TKFC: variants seen among roughly 807,000 people sequenced by gnomAD.
The protein encoded by TKFC is triokinase/FMN cyclase.
In TKFC, 46 loss-of-function variants were observed where a neutral mutation model predicts 61.0. The observed-to-expected ratio is 0.75, with a 90% confidence interval of 0.60 to 0.96. TKFC has a LOEUF of 0.96. Ranked by LOEUF, TKFC falls within the 50% of genes least tolerant of loss-of-function variation. The probability of loss-of-function intolerance (pLI) is 0.00; values close to 1 mark genes in which losing one functional copy is unlikely to be tolerated. For missense variants in TKFC, 715 were observed against 777.5 expected (o/e 0.92, Z 0.96); for synonymous variants, 314 against 330.1 (o/e 0.95, Z 0.53).
Position 61,345,503 on chromosome 11 carries a change from G to A in TKFC, c.1389G>A (p.Lys463=). ...LFLTAAAQPL[K]AKTSLPAWSA... ...TGACTGCGGCTGCACAGCCCCTGAA[G>A]GCCAAGACCAGCCTCCCAGCCTGGT... The change falls in exon 15 of 18, where the codon AAG becomes AAA. Residue 463 remains lysine (K), a synonymous_variant. Coordinates refer to ENST00000394900, the MANE Select transcript of TKFC (RefSeq NM_015533.4). 1 of 1,613,396 alleles carries A rather than the reference G, an allele frequency of 6.2e-7. No individual in the cohort carries two copies. Among genetic ancestry groups the A allele is most frequent in the Non-Finnish European group, 8.5e-7 (1 of 1,180,028 alleles).
Position 61,347,331 on chromosome 11 carries a change from C to T in TKFC, c.*828C>T. On this transcript the variant is annotated 3_prime_UTR_variant, in exon 18 of 18. Coordinates refer to ENST00000394900, the MANE Select transcript of TKFC (RefSeq NM_015533.4). ...CCAAGGCAGGCGGATCCCTTACACT[C>T]AGGAGTTCAAGACCAGTCTGGGCAA... 1 of 949,972 alleles carries T rather than the reference C, an allele frequency of 1.1e-6. No homozygotes were observed. Among genetic ancestry groups the T allele is most frequent in the Non-Finnish European group, 1.3e-6 (1 of 797,744 alleles). The allele number at this position is 949,972 out of a possible 1,614,324, so 58.8% of individuals were successfully genotyped here.
In TKFC at chr11:61,334,637, A is replaced by G; in HGVS notation, c.-92A>G. The G allele has an allele frequency of 4.5e-6, 7 of 1,570,964 alleles. No individual in the cohort carries two copies. The East Asian group carries it at 9.0e-5, about 20-fold the overall frequency. Reference sequence around the variant, plus strand: ...TCCTGCAGGTGCTGCTGCTGCCTCCACTGTACTCAGACCCAGGTAGCACAG... The same window carrying G: ...TCCTGCAGGTGCTGCTGCTGCCTCCGCTGTACTCAGACCCAGGTAGCACAG... On this transcript the variant is annotated 5_prime_UTR_variant, in exon 2 of 18. Coordinates refer to ENST00000394900, the MANE Select transcript of TKFC (RefSeq NM_015533.4).
In TKFC at chr11:61,346,034, C is replaced by A. The variant is rs1293802068; in HGVS notation, c.1575+88C>A. Reference sequence around the variant, plus strand: ...CATGTGACCCTGAGCAAGTTAATAACCTTCCTGGACCGCAGTTTCCTTCTC... The same window carrying A: ...CATGTGACCCTGAGCAAGTTAATAAACTTCCTGGACCGCAGTTTCCTTCTC... On this transcript the variant is annotated intron_variant, in intron 17 of 17. Transcript: ENST00000394900. The surrounding 1 kb of genome is among the most constrained non-coding windows in gnomAD (Gnocchi z 4.1). 1.4e-5 allele frequency: 19 copies of A among 1,368,920 alleles called. No homozygotes were observed. The highest frequency in any genetic ancestry group is 1.9e-5 in the Non-Finnish European group (19 of 990,582). The allele number at this position is 1,368,920 out of a possible 1,614,324, so 84.8% of individuals were successfully genotyped here.
At position 61,347,061 on chromosome 11, in the gene TKFC, G is replaced by T. The variant is rs926074762; in HGVS notation, c.*558G>T. The T allele has an allele frequency of 4.1e-6, 4 of 985,536 alleles. No individual in the cohort carries two copies. Among genetic ancestry groups the T allele is most frequent in the Admixed American group, 1.2e-4 (2 of 16,262 alleles). 61.0% of individuals were successfully genotyped at this position (985,536 alleles called of 1,614,324 possible). A position where few individuals can be genotyped will look rare whatever the true frequency, so the allele number is the denominator to read the frequency against. On this transcript the variant is annotated 3_prime_UTR_variant, in exon 18 of 18. Coordinates refer to ENST00000394900, the MANE Select transcript of TKFC (RefSeq NM_015533.4). Reference sequence around the variant, plus strand: ...CCCTAAGGCAGTGTCTCCTCAGCTGGGCTGCTTCCACTGAGACCCCCGACC... The same window carrying T: ...CCCTAAGGCAGTGTCTCCTCAGCTGTGCTGCTTCCACTGAGACCCCCGACC...
rs1404719460 is a variant in TKFC at position 61,342,576 on chromosome 11, G to C, written c.693G>C (p.Met231Ile). ...HGEAGVRRIKMATADEIVKLM... is the reference protein window; with the variant it reads ...HGEAGVRRIKIATADEIVKLM... ...TCATTCCTGGCTCCCTCTGACAGAT[G>C]GCAACCGCCGATGAGATTGTGAAAC... Residue 231 changes from methionine to isoleucine, a missense_variant and splice_region_variant, in exon 9 of 18, where the codon ATG (methionine) becomes ATC (isoleucine). Physicochemically the swap from Met to Ile is conservative, Grantham distance 10. Coordinates refer to ENST00000394900, the MANE Select transcript of TKFC (RefSeq NM_015533.4). 1 of 1,613,930 alleles carries C rather than the reference G, an allele frequency of 6.2e-7. No individual in the cohort carries two copies. Among genetic ancestry groups the C allele is most frequent in the Non-Finnish European group, 8.5e-7 (1 of 1,180,034 alleles).
intron 2 of TKFC, 94 bp from the exon 3 acceptor site, chr11:61,337,847 G>C: frequency 8.1e-7 from 1 of 1,237,300 alleles, no homozygotes; most frequent in South Asian, 1.7e-5. Context: ...AGGTGGATGC[G>C]GGAGAGGGGT....
At chr11:61,352,712 A>G, downstream of TKFC, 3 of 944,684 alleles carry the variant, frequency 3.2e-6, no homozygotes, top group South Asian at 2.0e-5. Context: ...ATCAATACCA[A>G]TGATGTAGGG....
chr11:61,347,632 C>G lies in TKFC; in HGVS notation c.*1129C>G, dbSNP rs1364563553. 1.0e-6 allele frequency: 1 copy of G among 985,058 alleles called. No individual in the cohort carries two copies. Among genetic ancestry groups the G allele is most frequent in the East Asian group, 1.1e-4 (1 of 8,810 alleles). The allele number at this position is 985,058 out of a possible 1,614,324, so 61.0% of individuals were successfully genotyped here. A position where few individuals can be genotyped will look rare whatever the true frequency, so the allele number is the denominator to read the frequency against. On this transcript the variant is annotated 3_prime_UTR_variant, in exon 18 of 18. Transcript: ENST00000394900. ...CTGATGGCACCAGGGTGAGCAGGGGCACTGTATGCATGTGGAGACAAACAG... is the reference window on the plus strand; with the variant it reads ...CTGATGGCACCAGGGTGAGCAGGGGGACTGTATGCATGTGGAGACAAACAG...
chr11:61,347,503 T>G lies in TKFC; in HGVS notation c.*1000T>G. ...GCGGTGAGCCATAAGCATGCCACTA[T>G]ACTCCAGCCTGGGCAACAAAGCGAG... On this transcript the variant is annotated 3_prime_UTR_variant, in exon 18 of 18. Coordinates refer to ENST00000394900, the MANE Select transcript of TKFC (RefSeq NM_015533.4). The G allele has an allele frequency of 1.0e-6, 1 of 980,958 alleles. No individual in the cohort carries two copies. Among genetic ancestry groups the G allele is most frequent in the South Asian group, 4.7e-5 (1 of 21,180 alleles). 60.8% of individuals were successfully genotyped at this position (980,958 alleles called of 1,614,324 possible).
intron 1 of TKFC, chr11:61,334,180 C>T (rs1856505456): frequency 6.4e-6 from 1 of 155,634 alleles, no homozygotes; most frequent in African/African-American, 2.4e-5. Context: ...TTGGACAAGT[C>T]CCTAGAGCTC....
chr11:61,344,029 A>G (rs988842692), intron 12 of TKFC, 54 bp downstream of exon 12: 2 of 1,602,666 alleles, frequency 1.2e-6, no homozygotes, highest in African/African-American at 1.3e-5. Context: ...ATGCAGGAGT[A>G]TACGGTGGGG....
chr11:61,344,146 G>A lies in TKFC; in HGVS notation c.1113G>A (p.Ser371=), dbSNP rs779681470. 1.1e-5 allele frequency: 18 copies of A among 1,612,150 alleles called. No homozygotes were observed. The highest frequency in any genetic ancestry group is 3.3e-5 in the South Asian group (3 of 91,008). Residue 371 remains serine, a synonymous_variant, in exon 13 of 18, where the codon TCG becomes TCA. Transcript: ENST00000394900. The stretch of plus-strand genomic sequence containing the variant: ...ATCCTCCCTTTCTAGGCTCAGCCTC[G>A]AAGCGGATGGCGCTGGTGCTGGAAC... ...PDSTAAGGSA[S]KRMALVLERV...
intron 13 of TKFC, 53 bp downstream of exon 13, chr11:61,344,326 C>G: frequency 1.3e-6 from 2 of 1,562,170 alleles, no homozygotes; most frequent in Admixed American, 1.9e-5. Context: ...CTTAGCCCCC[C>G]TTCCACTTGT....
chr11:61,339,396 A>C lies in TKFC; in HGVS notation c.447A>C (p.Ala149=). The C allele has an allele frequency of 6.2e-7, 1 of 1,613,252 alleles. No individual in the cohort carries two copies. The highest frequency in any genetic ancestry group is 8.5e-7 in the Non-Finnish European group (1 of 1,179,918). The part of the protein sequence containing the change: ...DDSAFTVLKK[A]GRRGLCGTVL... ...GCGCCTTCACTGTCCTGAAGAAGGC[A>C]GGCCGGCGGGGGCTGTGCGGCACGG... The change falls in exon 5 of 18, where the codon GCA becomes GCC. Residue 149 remains alanine (A), a synonymous_variant. Coordinates refer to ENST00000394900, the MANE Select transcript of TKFC (RefSeq NM_015533.4).
rs142716350 is a variant in TKFC at position 61,343,348 on chromosome 11, G to T, written c.872G>T (p.Arg291Leu). Residue 291 changes from arginine to leucine, a missense_variant, in exon 11 of 18, where the codon CGC becomes CTC. By Grantham distance (102) the Arg-to-Leu change is moderately radical (BLOSUM62 -2). Transcript: ENST00000394900. ...ADATVRSLEG[R>L]GVKIARALVG... ...CCACACTCTGGTATTGCAGAGGGCCGCGGGGTGAAGATTGCCCGTGCCCTG... is the reference window on the plus strand; with the variant it reads ...CCACACTCTGGTATTGCAGAGGGCCTCGGGGTGAAGATTGCCCGTGCCCTG... 1.9e-6 allele frequency: 3 copies of T among 1,614,052 alleles called. No homozygotes were observed. The Admixed American group carries it at 5.0e-5, about 27-fold the overall frequency.
chr11:61,344,332 C>T, intron 13 of TKFC, 59 bp downstream of exon 13: 4 of 1,536,202 alleles, frequency 2.6e-6, no homozygotes, highest in Admixed American at 2.0e-5. Flanking sequence ...CCCCCTTCCA[C>T]TTGTTTCCCT....
At position 61,345,710 on chromosome 11, in the gene TKFC, A is replaced by G; in HGVS notation, c.1452-2A>G. ...GCCTCTTTCACTCTCTTTCCCTGCC[A>G]GGTATGGCAAGGCTGCTCCAGGGGA... On this transcript the variant is annotated splice_acceptor_variant, in intron 15 of 17. Transcript: ENST00000394900. LOFTEE classifies it high-confidence loss of function. The G allele has an allele frequency of 6.2e-7, 1 of 1,614,194 alleles. No individual in the cohort carries two copies. Among genetic ancestry groups the G allele is most frequent in the South Asian group, 1.1e-5 (1 of 91,082 alleles).
chr11:61,338,157 G>T (rs752976013), intron 3 of TKFC, 27 bp downstream of exon 3: 3 of 1,540,940 alleles, frequency 1.9e-6, no homozygotes, highest in Non-Finnish European at 2.6e-6. Flanking sequence ...GGGGCAGGGG[G>T]TACTAGTGGA....
At chr11:61,345,587 C>T (rs200815482) in intron 15 of TKFC, 22 bp downstream of exon 15, 1 of 1,612,114 alleles carries the variant, frequency 6.2e-7, no homozygotes, top group African/African-American at 1.3e-5. Flanking sequence ...CCCTGTGCAT[C>T]AGACCAGGGG....
Sources: allele counts gnomAD v4.1 joint callset, GRCh38; gene constraint gnomAD v4.1.1; non-coding constraint Gnocchi (gnomAD v3.1); transcripts MANE v1.5; gene names NCBI Gene and HGNC (gene_info 2026-07-23, HGNC 2026-07-21).